Variants in ANXA4 observed in about 807,000 individuals in gnomAD.
ANXA4 encodes annexin A4.
ANXA4 carries 39 observed loss-of-function variants against 49.8 expected under a neutral mutation model. The ratio of observed to expected loss-of-function variants is 0.78; its 90% confidence interval spans 0.61 to 1.02. The LOEUF (loss-of-function observed/expected upper bound fraction) is 1.02. Ranked by LOEUF, ANXA4 falls within the 50% of genes least tolerant of loss-of-function variation. ANXA4 has a pLI of 0.00. For synonymous variants in ANXA4, 134 were observed against 152.5 expected, an observed-to-expected ratio of 0.88 and a Z score of 0.89; for missense variants, 360 against 410.1, an observed-to-expected ratio of 0.88 and a Z score of 1.05.
chr2:69,684,095 T>A (rs1292762877), intron 2 of ANXA4, among the ~76,000 whole-genome samples: 1 of 152,228 alleles, frequency 6.6e-6, no homozygotes, highest in Non-Finnish European at 1.5e-5. Context: ...GATTGTGATT[T>A]GCGAGCTCAG....
At chr2:69,668,110 G>A (rs1677008606) in intron 2 of ANXA4, among the ~76,000 whole-genome samples, 1 of 152,176 alleles carries the variant, frequency 6.6e-6, no homozygotes, top group Non-Finnish European at 1.5e-5. Flanking sequence ...AAAGAGTGTG[G>A]AGCCGGGTAG....
At chr2:69,691,711 G>C (rs59859363) in intron 2 of ANXA4, among the ~76,000 whole-genome samples, 5,938 of 152,264 alleles carry the variant, frequency 0.039, 315 homozygotes, top group African/African-American at 0.12. Context: ...GGACAGGAGG[G>C]CTGGAGTGAG....
intron 2 of ANXA4, among the ~76,000 whole-genome samples, chr2:69,667,539 C>T (rs1454183706): frequency 6.6e-6 from 1 of 151,850 alleles, no homozygotes; most frequent in African/African-American, 2.4e-5. Flanking sequence ...GTACAAAATA[C>T]TCTGGCCTAT....
At chr2:69,777,194 A>C (rs1248816795) in intron 1 of ANXA4, among the ~76,000 whole-genome samples, 6 of 152,120 alleles carry the variant, frequency 3.9e-5, no homozygotes, top group Non-Finnish European at 7.4e-5. Context: ...GAAGCTCTTC[A>C]ACCCCTCCAC....
chr2:69,761,793 A>C (rs1671300383), intron 1 of ANXA4, among the ~76,000 whole-genome samples: 1 of 152,088 alleles, frequency 6.6e-6, no homozygotes, highest in East Asian at 1.9e-4. Flanking sequence ...AAAAAAAAAA[A>C]AACTTAAAAT....
At chr2:69,773,224 A>G (rs932348036) in intron 1 of ANXA4, among the ~76,000 whole-genome samples, 5 of 152,306 alleles carry the variant, frequency 3.3e-5, no homozygotes, top group South Asian at 2.1e-4. Context: ...AATGACTCTC[A>G]GTATTTCCAG....
intron 3 of ANXA4, among the ~76,000 whole-genome samples, chr2:69,728,442 A>G (rs537102714): frequency 5.9e-5 from 9 of 152,330 alleles, no homozygotes; most frequent in African/African-American, 1.9e-4. Context: ...AGTTTAAGAA[A>G]TCAAACCTTC....
chr2:69,679,644 A>C (rs1009044538), intron 2 of ANXA4, among the ~76,000 whole-genome samples: 9 of 152,054 alleles, frequency 5.9e-5, no homozygotes, highest in Non-Finnish European at 1.0e-4. Flanking sequence ...TGTAGGTCTT[A>C]TATTTATGTC....
chr2:69,817,421 C>T (rs1674044367), intron 9 of ANXA4: 1 of 152,224 alleles, frequency 6.6e-6, no homozygotes, highest in Non-Finnish European at 1.5e-5. Context: ...TTTCTTGCAA[C>T]ACTCAATGGA....
chr2:69,686,335 C>A (rs1389565998), intron 2 of ANXA4, among the ~76,000 whole-genome samples: 6 of 152,068 alleles, frequency 3.9e-5, no homozygotes, highest in African/African-American at 1.4e-4. Context: ...CAGGCACGTG[C>A]CACCACACCC....
intron 3 of ANXA4, among the ~76,000 whole-genome samples, chr2:69,794,397 C>T (rs936437446): frequency 4.6e-5 from 7 of 152,200 alleles, no homozygotes; most frequent in Non-Finnish European, 1.0e-4. Context: ...GGCTGTTGAG[C>T]TGGACCTCAA....
intron 1 of ANXA4, among the ~76,000 whole-genome samples, chr2:69,762,661 C>T (rs573645674): frequency 3.8e-4 from 58 of 152,262 alleles, no homozygotes; most frequent in African/African-American, 1.3e-3. Context: ...TCTCACTGAT[C>T]ATGCCTCCTT....
At chr2:69,660,862 G>A (rs1381747168) in intron 2 of ANXA4, among the ~76,000 whole-genome samples, 2 of 151,930 alleles carry the variant, frequency 1.3e-5, no homozygotes, top group African/African-American at 2.4e-5. Flanking sequence ...GGAGAGATAA[G>A]AGAGATAATA....
intron 1 of ANXA4, among the ~76,000 whole-genome samples, chr2:69,750,761 G>A (rs1670807631): frequency 6.6e-6 from 1 of 152,216 alleles, no homozygotes; most frequent in Admixed American, 6.5e-5. Flanking sequence ...GTCTTTAGCT[G>A]CAGAAGCAGA....
chr2:69,703,520 G>A (rs1235973425), intron 2 of ANXA4, among the ~76,000 whole-genome samples: 1 of 152,026 alleles, frequency 6.6e-6, no homozygotes, highest in African/African-American at 2.4e-5. Context: ...GTGGCCTTTT[G>A]TGTCTGACTT....
intron 3 of ANXA4, among the ~76,000 whole-genome samples, chr2:69,734,080 C>T (rs563259380): frequency 1.3e-5 from 2 of 152,238 alleles, no homozygotes; most frequent in African/African-American, 4.8e-5. Context: ...GGGTACCTTC[C>T]AGCAGCTTGA....
At chr2:69,761,827 A>G (rs1456301589) in intron 1 of ANXA4, among the ~76,000 whole-genome samples, 3 of 152,114 alleles carry the variant, frequency 2.0e-5, no homozygotes, top group Non-Finnish European at 2.9e-5. Flanking sequence ...CTTTTTAACT[A>G]GAAAATAATT....
intron 3 of ANXA4, among the ~76,000 whole-genome samples, chr2:69,794,945 C>T (rs10186107): frequency 0.14 from 20,968 of 152,022 alleles, 3,812 homozygotes; most frequent in African/African-American, 0.39. Context: ...CCAAGAATTT[C>T]CCTAACTATC....
chr2:69,779,067 C>T (rs544854909), intron 1 of ANXA4, among the ~76,000 whole-genome samples: 32 of 139,858 alleles, frequency 2.3e-4, no homozygotes, highest in African/African-American at 1.9e-4. Flanking sequence ...AAGATTGCAC[C>T]GCTGCACTCT....
Sources: gnomAD v4.1 joint callset for allele counts (sites outside exome capture counted in the v4.1 genomes callset) on GRCh38, gnomAD v4.1.1 for gene constraint, MANE v1.5 for transcripts, NCBI Gene and HGNC (gene_info 2026-07-23, HGNC 2026-07-21) for gene names.